Variants in DOCK3 observed in about 807,000 individuals in gnomAD.
DOCK3 encodes dedicator of cytokinesis protein 3.
In DOCK3, 60 loss-of-function variants were observed where a neutral mutation model predicts 265.6. That is an observed-to-expected ratio of 0.23 (90% CI 0.18 to 0.28). The LOEUF is 0.28. Ranked by LOEUF, DOCK3 falls within the 10% of genes least tolerant of loss-of-function variation. DOCK3 has a pLI of 1.00. For synonymous variants in DOCK3, 881 were observed against 938.0 expected, an observed-to-expected ratio of 0.94 and a Z score of 1.11; for missense variants, 1,981 against 2,594.3, an observed-to-expected ratio of 0.76 and a Z score of 5.14.
intron 12 of DOCK3, among the ~76,000 whole-genome samples, chr3:51,202,703 G>A (rs1454674806): frequency 2.0e-5 from 3 of 152,114 alleles, no homozygotes; most frequent in African/African-American, 7.2e-5. Flanking sequence ...AAGCCTGGCA[G>A]AGACACAACC....
chr3:50,782,351 C>T (rs1008983794), intron 2 of DOCK3, among the ~76,000 whole-genome samples: 4 of 124,254 alleles, frequency 3.2e-5, no homozygotes, highest in Non-Finnish European at 4.7e-5. Context: ...AGTGCAGTGG[C>T]GCGATCTCGG....
chr3:50,817,503 C>T (rs573588012), intron 2 of DOCK3, among the ~76,000 whole-genome samples: 52 of 151,772 alleles, frequency 3.4e-4, no homozygotes, highest in African/African-American at 1.1e-3. Context: ...CCCTGTGTTG[C>T]GCAGGCTAGT....
At chr3:50,857,512 G>T (rs2046659936) in intron 3 of DOCK3, among the ~76,000 whole-genome samples, 1 of 152,054 alleles carries the variant, frequency 6.6e-6, no homozygotes, top group Admixed American at 6.6e-5. Flanking sequence ...TACAGAATGG[G>T]AGAACATTTT....
intron 6 of DOCK3, among the ~76,000 whole-genome samples, chr3:51,073,026 A>T (rs1560023150): frequency 6.6e-6 from 1 of 152,070 alleles, no homozygotes; most frequent in Non-Finnish European, 1.5e-5. Context: ...ACCTATTTTG[A>T]TTATATTATT....
At chr3:50,881,756 A>G (rs997802080) in intron 3 of DOCK3, among the ~76,000 whole-genome samples, 1 of 152,200 alleles carries the variant, frequency 6.6e-6, no homozygotes, top group Non-Finnish European at 1.5e-5. Flanking sequence ...ACAGAATTGG[A>G]AAAAACTACT....
At chr3:51,250,989 A>G (rs980701265) in intron 22 of DOCK3, among the ~76,000 whole-genome samples, 1 of 152,180 alleles carries the variant, frequency 6.6e-6, no homozygotes, top group Non-Finnish European at 1.5e-5. Context: ...CATTTACATT[A>G]GGTGTATCTC....
intron 27 of DOCK3, among the ~76,000 whole-genome samples, chr3:51,302,147 C>T (rs1217824011): frequency 2.0e-5 from 3 of 151,810 alleles, no homozygotes; most frequent in Middle Eastern, 3.2e-3. Flanking sequence ...TAGGATAGCC[C>T]TTCTTGTTGC....
intron 2 of DOCK3, among the ~76,000 whole-genome samples, chr3:50,791,322 G>T (rs1315637441): frequency 6.9e-6 from 1 of 144,660 alleles, no homozygotes; most frequent in African/African-American, 2.6e-5. Context: ...TGAGTGCAGT[G>T]GTGCCATCTC....
intron 3 of DOCK3, among the ~76,000 whole-genome samples, chr3:50,875,503 A>G (rs2047661520): frequency 6.6e-6 from 1 of 152,074 alleles, no homozygotes; most frequent in Non-Finnish European, 1.5e-5. Flanking sequence ...TAGAGGTTTT[A>G]TCATGAAGGA....
At chr3:50,807,574 A>G (rs1405588895) in intron 2 of DOCK3, among the ~76,000 whole-genome samples, 1 of 152,244 alleles carries the variant, frequency 6.6e-6, no homozygotes, top group Non-Finnish European at 1.5e-5. Flanking sequence ...TCTGTTGAAC[A>G]TAGTATTATA....
chr3:51,210,457 A>G (rs140138222), intron 13 of DOCK3, among the ~76,000 whole-genome samples: 11 of 152,328 alleles, frequency 7.2e-5, no homozygotes, highest in African/African-American at 2.4e-4. Flanking sequence ...GTTAGAAGCT[A>G]GTTGAGACCT....
intron 27 of DOCK3, among the ~76,000 whole-genome samples, chr3:51,305,733 C>T (rs150628652): frequency 0.019 from 2,535 of 135,386 alleles, 37 homozygotes; most frequent in East Asian, 0.052. Flanking sequence ...TGTGTGTGTG[C>T]GCGTGTGTGT....
rs1012292081 is a variant in DOCK3 at position 51,382,294 on chromosome 3, C to T, written c.*735C>T. 1 of 152,496 alleles carries T rather than the reference C, an allele frequency of 6.6e-6. No homozygotes were observed. The highest frequency in any genetic ancestry group is 1.5e-5 in the Non-Finnish European group (1 of 68,122). 9.4% of individuals were successfully genotyped at this position (152,496 alleles called of 1,614,324 possible). A position where few individuals can be genotyped will look rare whatever the true frequency, so the allele number is the denominator to read the frequency against. On this transcript the variant is annotated 3_prime_UTR_variant, in exon 53 of 53. Transcript: ENST00000266037. ...TTTGCTCCCTTCCATTCTTGAAACA[C>T]CTCATGCCCCACAGGAGCCCCAGTG...
At chr3:51,274,701 A>G (rs1053448536) in intron 24 of DOCK3, among the ~76,000 whole-genome samples, 2 of 151,990 alleles carry the variant, frequency 1.3e-5, no homozygotes, top group Non-Finnish European at 2.9e-5. Context: ...TGCTCTAGCA[A>G]TCCTAGAAAG....
intron 9 of DOCK3, among the ~76,000 whole-genome samples, chr3:51,094,511 A>G (rs1244566077): frequency 1.3e-5 from 2 of 151,850 alleles, no homozygotes; most frequent in Non-Finnish European, 2.9e-5. Flanking sequence ...ATAAGTGGTG[A>G]TATCCCCTTT....
intron 9 of DOCK3, among the ~76,000 whole-genome samples, chr3:51,110,096 C>T (rs747099716): frequency 1.3e-5 from 2 of 151,970 alleles, no homozygotes; most frequent in Non-Finnish European, 2.9e-5. Context: ...ATACACCCTC[C>T]CAAGACTGAA....
At chr3:51,288,550 C>T (rs1036252397) in intron 27 of DOCK3, among the ~76,000 whole-genome samples, 3 of 152,048 alleles carry the variant, frequency 2.0e-5, no homozygotes, top group Non-Finnish European at 2.9e-5. Context: ...CCATGATGCT[C>T]AATTTACCTA....
chr3:51,143,482 C>G (rs2085160032), intron 9 of DOCK3, among the ~76,000 whole-genome samples: 2 of 152,000 alleles, frequency 1.3e-5, no homozygotes, highest in Admixed American at 6.6e-5. Flanking sequence ...GTTGGCCAGA[C>G]TGGTCTCAAA....
intron 1 of DOCK3, among the ~76,000 whole-genome samples, chr3:50,776,770 A>C (rs1261667374): frequency 6.6e-6 from 1 of 152,136 alleles, no homozygotes; most frequent in Non-Finnish European, 1.5e-5. Flanking sequence ...ATGGGGACCC[A>C]GTTTCATTCT....
Sources: allele counts gnomAD v4.1 joint callset (sites outside exome capture counted in the v4.1 genomes callset), GRCh38; gene constraint gnomAD v4.1.1; transcripts MANE v1.5; gene names NCBI Gene and HGNC (gene_info 2026-07-23, HGNC 2026-07-21).